Variants in SEMA5A observed in about 807,000 individuals in gnomAD.
The protein encoded by SEMA5A is semaphorin-5A.
A neutral mutation model predicts 135.5 loss-of-function variants in SEMA5A; 55 were observed. That is an observed-to-expected ratio of 0.41 (90% CI 0.33 to 0.51). SEMA5A has a LOEUF of 0.51. SEMA5A is among the 20% of genes least tolerant of loss of function. The pLI, the probability that SEMA5A is intolerant of heterozygous loss-of-function variation, is 0.37. For missense variants in SEMA5A, 1,290 were observed against 1,419.9 expected, an observed-to-expected ratio of 0.91 and a Z score of 1.47; for synonymous variants, 580 against 546.5, an observed-to-expected ratio of 1.06 and a Z score of -0.85.
intron 1 of SEMA5A, among the ~76,000 whole-genome samples, chr5:9,483,758 G>C (rs140892397): frequency 1.1e-3 from 172 of 152,242 alleles, no homozygotes; most frequent in African/African-American, 3.9e-3. Context: ...AAGTAATTTA[G>C]ATGTAAACAT....
intron 16 of SEMA5A, among the ~76,000 whole-genome samples, chr5:9,080,757 G>A (rs76383438): frequency 0.031 from 4,780 of 152,134 alleles, 112 homozygotes; most frequent in Non-Finnish European, 0.045. Context: ...AGAGCAGCTG[G>A]TCCATCTTCT....
chr5:9,472,757 T>C (rs1224146813), intron 1 of SEMA5A, among the ~76,000 whole-genome samples: 1 of 152,090 alleles, frequency 6.6e-6, no homozygotes, highest in Admixed American at 6.5e-5. Context: ...GAAAAAAGCA[T>C]TCACTATCTG....
intron 1 of SEMA5A, among the ~76,000 whole-genome samples, chr5:9,534,709 C>G (rs1737657558): frequency 6.6e-6 from 1 of 152,146 alleles, no homozygotes; most frequent in African/African-American, 2.4e-5. Context: ...AATGGCTACT[C>G]CACAGGCACA....
chr5:9,093,390 A>G (rs1327126966), intron 16 of SEMA5A, among the ~76,000 whole-genome samples: 1 of 152,192 alleles, frequency 6.6e-6, no homozygotes, highest in Non-Finnish European at 1.5e-5. Context: ...TACAGGTCTA[A>G]TTATGCAACT....
At chr5:9,217,048 C>T (rs549737154) in intron 8 of SEMA5A, among the ~76,000 whole-genome samples, 92 of 152,180 alleles carry the variant, frequency 6.0e-4, no homozygotes, top group African/African-American at 2.0e-3. Flanking sequence ...ATTATGTTGG[C>T]TTGCTTGTGT....
intron 5 of SEMA5A, among the ~76,000 whole-genome samples, chr5:9,269,984 C>T (rs1278512653): frequency 6.6e-6 from 1 of 152,058 alleles, no homozygotes. Flanking sequence ...TCTGGGAGCT[C>T]AGATATCAGG....
chr5:9,468,516 A>T (rs1759348044), intron 1 of SEMA5A, among the ~76,000 whole-genome samples: 1 of 152,158 alleles, frequency 6.6e-6, no homozygotes, highest in Admixed American at 6.5e-5. Flanking sequence ...TTTAGAAAAT[A>T]TGAAATGGTA....
At chr5:9,404,532 T>C (rs769478366) in intron 2 of SEMA5A, among the ~76,000 whole-genome samples, 9 of 152,226 alleles carry the variant, frequency 5.9e-5, no homozygotes, top group Non-Finnish European at 1.2e-4. Flanking sequence ...GGCTAAATCA[T>C]TTATAAACTT....
At chr5:9,114,167 G>T (rs538126403) in intron 15 of SEMA5A, among the ~76,000 whole-genome samples, 25 of 152,276 alleles carry the variant, frequency 1.6e-4, no homozygotes, top group African/African-American at 6.0e-4. Context: ...GAAGAACCTT[G>T]AACATTATGC....
chr5:9,324,445 C>A (rs1752779394), intron 4 of SEMA5A, among the ~76,000 whole-genome samples: 1 of 152,188 alleles, frequency 6.6e-6, no homozygotes, highest in African/African-American at 2.4e-5. Context: ...ACCTAAGAAT[C>A]TGATAAAACA....
intron 3 of SEMA5A, among the ~76,000 whole-genome samples, chr5:9,363,600 C>T (rs896268314): frequency 6.6e-6 from 1 of 152,210 alleles, no homozygotes; most frequent in African/African-American, 2.4e-5. Flanking sequence ...AATAGAATTA[C>T]ACATCCTTTG....
chr5:9,248,272 A>G (rs933264864), intron 5 of SEMA5A, among the ~76,000 whole-genome samples: 1 of 152,194 alleles, frequency 6.6e-6, no homozygotes, highest in Non-Finnish European at 1.5e-5. Flanking sequence ...ATTTTACAAC[A>G]AAATGAAGAG....
chr5:9,201,908 C>A, intron 9 of SEMA5A, 47 bp downstream of exon 9: 1 of 1,544,616 alleles, frequency 6.5e-7, no homozygotes, highest in Non-Finnish European at 8.8e-7. Context: ...AAGACTTATT[C>A]AGAATGAGTA....
At chr5:9,124,918 C>T (rs1052832337) in intron 13 of SEMA5A, among the ~76,000 whole-genome samples, 3 of 152,210 alleles carry the variant, frequency 2.0e-5, no homozygotes, top group African/African-American at 7.2e-5. Flanking sequence ...CATCCACTAC[C>T]ATCGGAAAGA....
intron 1 of SEMA5A, among the ~76,000 whole-genome samples, chr5:9,461,004 A>T (rs1759034697): frequency 6.6e-6 from 1 of 152,194 alleles, no homozygotes; most frequent in Non-Finnish European, 1.5e-5. Context: ...CAAGTACTCT[A>T]TCACTTCTCT....
chr5:9,157,409 A>C (rs1342815862), intron 11 of SEMA5A, among the ~76,000 whole-genome samples: 1 of 151,836 alleles, frequency 6.6e-6, no homozygotes, highest in Non-Finnish European at 1.5e-5. Flanking sequence ...GGCCTCCCTG[A>C]CTCTCCATGT....
In SEMA5A at chr5:9,162,585, T is replaced by TAC. The variant is rs143558117; in HGVS notation, c.1274-7892_1274-7891dup. Among the ~76,000 whole-genome samples, 139 of 111,972 alleles carry TAC rather than the reference T, an allele frequency of 1.2e-3. 1 individual carries two copies. The highest frequency in any genetic ancestry group is 2.4e-3 in the South Asian group (8 of 3,270). The allele number at this position is 111,972 out of a possible 152,430, so 73.5% of individuals were successfully genotyped here. A position where few individuals can be genotyped will look rare whatever the true frequency, so the allele number is the denominator to read the frequency against. ...GTGTGTATATATATATATATATATA[T>TAC]ACACACACACACACAAACCATCTTT... On this transcript the variant is annotated intron_variant, in intron 11 of 22. Coordinates refer to ENST00000382496, the MANE Select transcript of SEMA5A (RefSeq NM_003966.3).
intron 12 of SEMA5A, among the ~76,000 whole-genome samples, chr5:9,137,889 T>G (rs1560952340): frequency 6.6e-6 from 1 of 152,314 alleles, no homozygotes; most frequent in East Asian, 1.9e-4. Context: ...TTAAACCCCA[T>G]GACAACCTTA....
intron 16 of SEMA5A, among the ~76,000 whole-genome samples, chr5:9,091,499 A>G (rs1158778220): frequency 2.0e-5 from 3 of 152,184 alleles, no homozygotes; most frequent in African/African-American, 7.2e-5. Flanking sequence ...TCTCTTCAGG[A>G]AGGCACACAC....
Sources: gnomAD v4.1 joint callset for allele counts (sites outside exome capture counted in the v4.1 genomes callset) on GRCh38, gnomAD v4.1.1 for gene constraint, MANE v1.5 for transcripts, NCBI Gene and HGNC (gene_info 2026-07-23, HGNC 2026-07-21) for gene names.